Variants in CAMSAP1 observed in about 807,000 individuals in gnomAD.
The protein encoded by CAMSAP1 is calmodulin regulated spectrin associated protein 1.
A neutral mutation model predicts 143.5 loss-of-function variants in CAMSAP1; 58 were observed. The observed-to-expected ratio is 0.40, with a 90% CI of 0.33 to 0.50. CAMSAP1 has a LOEUF of 0.50. Ranked by LOEUF, CAMSAP1 falls within the 20% of genes least tolerant of loss-of-function variation. The pLI is 0.45. For missense variants in CAMSAP1, 1,969 were observed against 2,115.7 expected (o/e 0.93, Z 1.36); for synonymous variants, 945 against 859.3 (o/e 1.10, Z -1.74).
chr9:135,898,841 C>G (rs1290706433), intron 1 of CAMSAP1, among the ~76,000 whole-genome samples: 1 of 152,294 alleles, frequency 6.6e-6, no homozygotes, highest in South Asian at 2.1e-4. Context: ...TATTATCACC[C>G]AGTAATCCCA....
chr9:135,876,836 C>A (rs2130969991), intron 3 of CAMSAP1, among the ~76,000 whole-genome samples: 1 of 152,044 alleles, frequency 6.6e-6, no homozygotes, highest in South Asian at 2.1e-4. Flanking sequence ...TGATGAAACC[C>A]CGTCCCTACT....
intron 16 of CAMSAP1, among the ~76,000 whole-genome samples, chr9:135,813,236 CT>C (rs1263814172): frequency 2.6e-5 from 4 of 152,226 alleles, no homozygotes; most frequent in Non-Finnish European, 5.9e-5. Flanking sequence ...GCGGCAGAAC[CT>C]TCCCAAGGCC....
At chr9:135,813,237 T>C (rs1835115241) in intron 16 of CAMSAP1, among the ~76,000 whole-genome samples, 1 of 152,174 alleles carries the variant, frequency 6.6e-6, no homozygotes, top group East Asian at 1.9e-4. Context: ...CGGCAGAACC[T>C]TCCCAAGGCC....
At chr9:135,868,213 C>T (rs1197674514) in intron 3 of CAMSAP1, among the ~76,000 whole-genome samples, 1 of 151,106 alleles carries the variant, frequency 6.6e-6, no homozygotes, top group Non-Finnish European at 1.5e-5. Flanking sequence ...CTGAAGGAAA[C>T]GATACAGATG....
chr9:135,885,508 A>G (rs1386632111), intron 1 of CAMSAP1, among the ~76,000 whole-genome samples: 1 of 152,140 alleles, frequency 6.6e-6, no homozygotes, highest in Non-Finnish European at 1.5e-5. Context: ...ACGTAAGTGG[A>G]GGGCTGGCAT....
At chr9:135,879,264 T>C (rs1412457540) in intron 3 of CAMSAP1, among the ~76,000 whole-genome samples, 1 of 152,178 alleles carries the variant, frequency 6.6e-6, no homozygotes, top group Non-Finnish European at 1.5e-5. Flanking sequence ...ATGATGTCTC[T>C]GGTTACAAGG....
rs1835660343 is a variant in CAMSAP1, at chr9:135,826,055, A to G, written c.1224-1175T>C. 6.6e-6 allele frequency: 1 copy of G among 152,290 alleles called. No individual in the cohort carries two copies. The highest frequency in any genetic ancestry group is 6.5e-5 in the Admixed American group (1 of 15,282). The allele number at this position is 152,290 out of a possible 1,614,324, so 9.4% of individuals were successfully genotyped here. A position where few individuals can be genotyped will look rare whatever the true frequency, so the allele number is the denominator to read the frequency against. On this transcript the variant is annotated intron_variant, in intron 8 of 16. Transcript: ENST00000389532. This position sits in a 1 kb window ranked among gnomAD's most constrained non-coding sequence, Gnocchi z 4.4. ...ACAGTGGACCCATCACGGCACGCCC[A>G]TGACGTGACAGACTGGGTAGCTGTT...
At chr9:135,878,284 G>A (rs527491976) in intron 3 of CAMSAP1, among the ~76,000 whole-genome samples, 1 of 152,310 alleles carries the variant, frequency 6.6e-6, no homozygotes, top group East Asian at 1.9e-4. Context: ...CATGCAGGCA[G>A]GGGCAGGACA....
chr9:135,829,806 T>C (rs1203721225), intron 7 of CAMSAP1, among the ~76,000 whole-genome samples: 1 of 151,922 alleles, frequency 6.6e-6, no homozygotes, highest in African/African-American at 2.4e-5. Flanking sequence ...CGAGCTGAGA[T>C]TGTGCCACTG....
intron 11 of CAMSAP1, among the ~76,000 whole-genome samples, chr9:135,819,672 T>TAAAAAA (rs55894826): frequency 1.9e-5 from 2 of 104,632 alleles, no homozygotes; most frequent in African/African-American, 3.9e-5. Context: ...TGTCTCCACT[T>TAAAAAA]AAAAAAAAAA....
rs1484733196 is a variant in CAMSAP1, at chr9:135,811,117, G to A, written c.*192C>T. ...TCACCCTGCCTGGCATCCTCTGCGT[G>A]AGATGAGCGCTGAGAGAGGGGTTTT... On this transcript the variant is annotated 3_prime_UTR_variant, in exon 17 of 17. Coordinates refer to ENST00000389532, the MANE Select transcript of CAMSAP1 (RefSeq NM_015447.4). This position sits in a 1 kb window ranked among gnomAD's most constrained non-coding sequence, Gnocchi z 4.9. 2 of 663,538 alleles carry A rather than the reference G, an allele frequency of 3.0e-6. No individual in the cohort carries two copies. Among genetic ancestry groups the A allele is most frequent in the Non-Finnish European group, 5.1e-6 (2 of 395,802 alleles). The allele number at this position is 663,538 out of a possible 1,614,324, so 41.1% of individuals were successfully genotyped here.
chr9:135,906,993 G>A lies in CAMSAP1; in HGVS notation c.160+7C>T, dbSNP rs1428133368. On this transcript the variant is annotated splice_region_variant and intron_variant, in intron 1 of 16. Transcript: ENST00000389532. The stretch of plus-strand genomic sequence containing the variant: ...GGCCCCCGCCCCGCGCCCCTCACCC[G>A]GCCCACCTCGGCCGTAGGCCTTGGC... The A allele has an allele frequency of 1.9e-6, 2 of 1,072,700 alleles. No individual in the cohort carries two copies. The highest frequency in any genetic ancestry group is 2.3e-6 in the Non-Finnish European group (2 of 884,930). 66.4% of individuals were successfully genotyped at this position (1,072,700 alleles called of 1,614,324 possible). A position where few individuals can be genotyped will look rare whatever the true frequency, so the allele number is the denominator to read the frequency against.
At chr9:135,866,349 G>T in intron 4 of CAMSAP1, 107 bp downstream of exon 4, 1 of 659,288 alleles carries the variant, frequency 1.5e-6, no homozygotes. Context: ...TGCTTCTTTG[G>T]TGAGTAAAAA....
rs142561315 is a variant in CAMSAP1 at position 135,812,227 on chromosome 9, T to C, written c.4507-616A>G. On this transcript the variant is annotated intron_variant, in intron 16 of 16. Coordinates refer to ENST00000389532, the MANE Select transcript of CAMSAP1 (RefSeq NM_015447.4). ...TACCCCCAAAAGCATGCACATCTGTTCCCTATCAATAAAAAATGTTTGAAG... is the reference window on the plus strand; with the variant it reads ...TACCCCCAAAAGCATGCACATCTGTCCCCTATCAATAAAAAATGTTTGAAG... 4.0e-3 allele frequency among the ~76,000 whole-genome samples: 610 copies of C among 152,270 alleles called. 2 individuals are homozygous for C. The highest frequency in any genetic ancestry group is 5.5e-3 in the Non-Finnish European group (375 of 68,028).
chr9:135,817,960 C>G lies in CAMSAP1; in HGVS notation c.4271+17G>C. 1.2e-6 allele frequency: 2 copies of G among 1,612,224 alleles called. No individual in the cohort carries two copies. On this transcript the variant is annotated intron_variant, in intron 14 of 16. Transcript: ENST00000389532. The stretch of plus-strand genomic sequence containing the variant: ...CGTCCTCCAGCCCCGTGCCGGCGGC[C>G]GTCTCAGGCCCCTTACCGCTGAGAG...
At chr9:135,856,866 C>T (rs186728229) in intron 5 of CAMSAP1, among the ~76,000 whole-genome samples, 39 of 152,346 alleles carry the variant, frequency 2.6e-4, no homozygotes, top group Non-Finnish European at 3.1e-4. Context: ...CTTTGTCCCA[C>T]GCTCCTGGCC....
Position 135,822,685 on chromosome 9 carries a change from G to C in CAMSAP1, c.1976C>G (p.Pro659Arg). Residue 659 changes from proline (P) to arginine (R), a missense_variant, in exon 11 of 17, where the codon CCC (proline) becomes CGC (arginine). By Grantham distance (103) the Pro-to-Arg change is moderately radical. Around this residue, in one of 4 missense-constraint regions of CAMSAP1, gnomAD observed 1,390 missense variants for 1,420.8 expected, o/e 0.98. Transcript: ENST00000389532. This position sits in a 1 kb window ranked among gnomAD's most constrained non-coding sequence, Gnocchi z 6.1. ...TGTCTCGGTGGGGTCGATGCCCATG[G>C]GGAATTCTGAGCATGGAATCGGGGT... ...TFTPIPCSEF[P>R]MGIDPTETGP... 3 of 1,597,384 alleles carry C rather than the reference G, an allele frequency of 1.9e-6. No individual in the cohort carries two copies. Among genetic ancestry groups the C allele is most frequent in the Non-Finnish European group, 2.6e-6 (3 of 1,170,180 alleles).
intron 7 of CAMSAP1, among the ~76,000 whole-genome samples, chr9:135,833,853 GAAAC>G (rs1476653348): frequency 6.6e-6 from 1 of 152,130 alleles, no homozygotes; most frequent in African/African-American, 2.4e-5. Context: ...CAAAGCAAAG[GAAAC>G]AAACAAAACG....
chr9:135,818,721 G>A lies in CAMSAP1; in HGVS notation c.3960-105C>T. On this transcript the variant is annotated intron_variant, in intron 12 of 16. Coordinates refer to ENST00000389532, the MANE Select transcript of CAMSAP1 (RefSeq NM_015447.4). The surrounding 1 kb of genome is among the most constrained non-coding windows in gnomAD (Gnocchi z 7.7). ...CGCGTTTCTCGGGTTCTCCCCGGCC[G>A]CTGGGACCAAGAGTGGCCAGCCTCC... 2.2e-6 allele frequency: 3 copies of A among 1,346,262 alleles called. No homozygotes were observed. Among genetic ancestry groups the A allele is most frequent in the South Asian group, 1.4e-5 (1 of 69,868 alleles). 83.4% of individuals were successfully genotyped at this position (1,346,262 alleles called of 1,614,324 possible). A position where few individuals can be genotyped will look rare whatever the true frequency, so the allele number is the denominator to read the frequency against.
Sources: gnomAD v4.1 joint callset for allele counts (sites outside exome capture counted in the v4.1 genomes callset) on GRCh38, gnomAD v4.1.1 for gene constraint, gnomAD v4.1.1 regional missense constraint, Gnocchi (gnomAD v3.1) non-coding constraint, MANE v1.5 for transcripts, NCBI Gene and HGNC (gene_info 2026-07-23, HGNC 2026-07-21) for gene names.